The following RABGEF1 variants were observed in gnomAD, a reference collection of about 807,000 sequenced individuals.
RABGEF1 encodes RAB guanine nucleotide exchange factor 1, also known as rab5 GDP/GTP exchange factor.
RABGEF1 carries 26 observed loss-of-function variants against 57.3 expected under a neutral mutation model. That is an observed-to-expected ratio of 0.45 (90% confidence interval 0.33 to 0.63). RABGEF1 has a LOEUF of 0.63. Ranked by LOEUF, RABGEF1 falls within the 20% of genes least tolerant of loss-of-function variation. The pLI, the probability that RABGEF1 is intolerant of heterozygous loss-of-function variation, is 0.02. For synonymous variants in RABGEF1, 185 were observed against 210.7 expected, an observed-to-expected ratio of 0.88 and a Z score of 1.06; for missense variants, 464 against 607.6, an observed-to-expected ratio of 0.76 and a Z score of 2.48.
the RABGEF1 span, among the ~76,000 whole-genome samples, chr7:66,658,497 G>T: frequency 6.8e-6 from 1 of 146,678 alleles, no homozygotes; most frequent in African/African-American, 2.5e-5. Flanking sequence ...GCACCATTGT[G>T]CTCCAGCCTG....
intron 2 of RABGEF1, among the ~76,000 whole-genome samples, chr7:66,731,863 G>T (rs1290051088): frequency 6.6e-6 from 1 of 152,202 alleles, no homozygotes; most frequent in East Asian, 1.9e-4. Flanking sequence ...ACTGCCCAAG[G>T]TGCACAGTGA....
chr7:66,758,613 C>T (rs1380206679), intron 1 of RABGEF1, among the ~76,000 whole-genome samples: 3 of 152,212 alleles, frequency 2.0e-5, no homozygotes, highest in Admixed American at 2.0e-4. Context: ...TCTCACGCAG[C>T]TGATCCCCCA....
chr7:66,684,383 G>A (rs1360088007), intron 1 of RABGEF1, among the ~76,000 whole-genome samples: 1 of 152,194 alleles, frequency 6.6e-6, no homozygotes, highest in African/African-American at 2.4e-5. Flanking sequence ...GGCGGAGGTT[G>A]TCTGAACCGA....
At chr7:66,736,848 G>A (rs139509491), upstream of RABGEF1, among the ~76,000 whole-genome samples, 3 of 152,180 alleles carry the variant, frequency 2.0e-5, no homozygotes, top group Non-Finnish European at 2.9e-5. Context: ...GCGACAGAGC[G>A]AGACTCCATC....
Position 66,754,056 on chromosome 7 carries a change from G to T in RABGEF1, c.-18+13264G>T, listed in dbSNP as rs1802122226. Among the ~76,000 whole-genome samples, 2 of 148,034 alleles carry T rather than the reference G, an allele frequency of 1.4e-5. 1 individual carries two copies. The highest frequency in any genetic ancestry group is 1.4e-4 in the Admixed American group (2 of 14,700). On this transcript the variant is annotated intron_variant, in intron 1 of 8. Transcript: ENST00000284957. Reference sequence around the variant, plus strand: ...CTTGCTCTGTTGCCCAGGCTGGAGTGCTGTGGCGCAATCTTGGCTTACTGC... The same window carrying T: ...CTTGCTCTGTTGCCCAGGCTGGAGTTCTGTGGCGCAATCTTGGCTTACTGC...
At chr7:66,722,570 T>C (rs1020111762) in intron 2 of RABGEF1, among the ~76,000 whole-genome samples, 14 of 152,256 alleles carry the variant, frequency 9.2e-5, no homozygotes, top group African/African-American at 3.4e-4. Context: ...TTAGGTGTTG[T>C]ATCTAAGAAA....
intron 1 of RABGEF1, among the ~76,000 whole-genome samples, chr7:66,743,668 A>AT (rs1398018609): frequency 6.6e-6 from 1 of 151,878 alleles, no homozygotes; most frequent in Non-Finnish European, 1.5e-5. Flanking sequence ...TGCCTGGCTA[A>AT]TTTTTTCTAT....
At chr7:66,706,992 A>G (rs930438321) in intron 1 of RABGEF1, among the ~76,000 whole-genome samples, 5 of 150,314 alleles carry the variant, frequency 3.3e-5, no homozygotes, top group African/African-American at 1.2e-4. Flanking sequence ...TCACCATGTT[A>G]GCCAGGATGG....
chr7:66,732,146 T>C (rs149458705), intron 2 of RABGEF1, among the ~76,000 whole-genome samples: 315 of 152,316 alleles, frequency 2.1e-3, no homozygotes, highest in African/African-American at 7.3e-3. Context: ...CACCGCCCTC[T>C]CTTCCTATGG....
rs187030546 is a variant in RABGEF1, at chr7:66,727,397, A to C, written c.-814-12599A>C. 4.6e-5 allele frequency among the ~76,000 whole-genome samples: 7 copies of C among 152,326 alleles called. 1 individual carries two copies. The South Asian group carries it at 8.3e-4, about 18-fold the overall frequency. Reference sequence around the variant, plus strand: ...ACGGCCTCCCTGGCCACCCCATCCCATGGCATTGCCTTCCCTTTGAAAGTT... The same window carrying C: ...ACGGCCTCCCTGGCCACCCCATCCCCTGGCATTGCCTTCCCTTTGAAAGTT... On this transcript the variant is annotated intron_variant and NMD_transcript_variant, in intron 2 of 9. Transcript: ENST00000607882.
chr7:66,730,101 C>T (rs954371067), intron 2 of RABGEF1, among the ~76,000 whole-genome samples: 6 of 152,228 alleles, frequency 3.9e-5, no homozygotes, highest in African/African-American at 1.2e-4. Context: ...CTCTTCAGGC[C>T]TCCCTTTCTC....
upstream of RABGEF1, among the ~76,000 whole-genome samples, chr7:66,677,503 C>T (rs1789359280): frequency 6.6e-6 from 1 of 152,066 alleles, no homozygotes; most frequent in African/African-American, 2.4e-5. Context: ...TGGCTCAAGC[C>T]TGTAATCCCA....
chr7:66,691,053 T>C (rs1446288124), intron 1 of RABGEF1, among the ~76,000 whole-genome samples: 1 of 152,122 alleles, frequency 6.6e-6, no homozygotes, highest in African/African-American at 2.4e-5. Flanking sequence ...ATCGTGCCAC[T>C]GCACTCCAGC....
chr7:66,698,945 G>A (rs1021095478), intron 1 of RABGEF1, among the ~76,000 whole-genome samples: 2 of 152,202 alleles, frequency 1.3e-5, no homozygotes, highest in African/African-American at 4.8e-5. Context: ...AAGTAACTCC[G>A]GTGACTGCAG....
intron 1 of RABGEF1, among the ~76,000 whole-genome samples, chr7:66,741,697 T>G (rs1417725071): frequency 3.9e-5 from 6 of 152,172 alleles, no homozygotes. Context: ...CTGCTTTGTT[T>G]TTATTTATTA....
At chr7:66,654,804 C>A in the RABGEF1 span, among the ~76,000 whole-genome samples, 1 of 152,266 alleles carries the variant, frequency 6.6e-6, no homozygotes, top group Non-Finnish European at 1.5e-5. Context: ...CCCGTCAGCT[C>A]CGCCTTCCCA....
intron 1 of RABGEF1, among the ~76,000 whole-genome samples, chr7:66,701,600 C>T (rs1793276284): frequency 6.6e-6 from 1 of 151,136 alleles, no homozygotes; most frequent in Admixed American, 6.6e-5. Flanking sequence ...CCTCCACCTC[C>T]TGGGTTCAAG....
chr7:66,774,041 T>C (rs1807909680), intron 2 of RABGEF1: 1 of 293,014 alleles, frequency 3.4e-6, no homozygotes, highest in Non-Finnish European at 6.8e-6. Flanking sequence ...TTTATTATTC[T>C]CCGCATTCTG....
chr7:66,722,805 C>T (rs1407805360), intron 2 of RABGEF1, among the ~76,000 whole-genome samples: 3 of 152,092 alleles, frequency 2.0e-5, no homozygotes, highest in Admixed American at 6.6e-5. Context: ...TTAGAATCAG[C>T]GTGTCACTTT....
Sources: allele counts gnomAD v4.1 joint callset (sites outside exome capture counted in the v4.1 genomes callset), GRCh38; gene constraint gnomAD v4.1.1; transcripts MANE v1.5; gene names NCBI Gene and HGNC (gene_info 2026-07-23, HGNC 2026-07-21).